Variants in KLF17 observed in about 807,000 individuals in gnomAD.
KLF17 encodes the protein KLF transcription factor 17, also known as Krueppel-like factor 17.
A neutral mutation model predicts 34.2 loss-of-function variants in KLF17; 31 were observed. The observed-to-expected ratio is 0.91, with a 90% confidence interval of 0.68 to 1.22. The LOEUF (loss-of-function observed/expected upper bound fraction) is 1.22. Among genes scored for constraint, KLF17 ranks in the 50% most tolerant of loss-of-function variants. KLF17 has a pLI of 0.00. For synonymous variants in KLF17, 179 were observed against 186.7 expected (o/e 0.96, Z 0.34); for missense variants, 478 against 505.2 (o/e 0.95, Z 0.52).
At chr1:44,111,871 C>T in the KLF17 span, among the ~76,000 whole-genome samples, 31 of 152,162 alleles carry the variant, frequency 2.0e-4, no homozygotes, top group East Asian at 7.7e-4. Context: ...CCAGCCTGGG[C>T]GACGCAGCAA....
At chr1:44,098,362 C>T in the KLF17 span, among the ~76,000 whole-genome samples, 3 of 151,718 alleles carry the variant, frequency 2.0e-5, no homozygotes, top group African/African-American at 4.8e-5. Context: ...TTTAATTAGT[C>T]TATCTAAAGG....
chr1:44,078,688 G>A, the KLF17 span, among the ~76,000 whole-genome samples: 2 of 151,948 alleles, frequency 1.3e-5, no homozygotes, highest in African/African-American at 2.4e-5. Flanking sequence ...TGCCCACCTC[G>A]GCCTCCCAAA....
the KLF17 span, chr1:44,076,631 G>T: frequency 6.6e-6 from 1 of 151,914 alleles, no homozygotes; most frequent in Non-Finnish European, 1.5e-5. Context: ...TTATGAATGG[G>T]GTTGGCTAAC....
In KLF17 at chr1:44,130,142, G is replaced by C. The variant is rs767103784; in HGVS notation, c.871G>C (p.Gly291Arg). 11 of 1,614,038 alleles carry C rather than the reference G, an allele frequency of 6.8e-6. No homozygotes were observed. Among genetic ancestry groups the C allele is most frequent in the African/African-American group, 1.3e-5 (1 of 74,932 alleles). Reference sequence around the variant, plus strand: ...TTACTGCTGCAACTACGAGAACTGCGGAAAAGCTTATACCAAACGCTCCCA... The same window carrying C: ...TTACTGCTGCAACTACGAGAACTGCCGAAAAGCTTATACCAAACGCTCCCA... ...RPYCCNYENC[G>R]KAYTKRSHLV... Residue 291 changes from glycine to arginine, a missense_variant, in exon 2 of 4, where the codon GGA (glycine) becomes CGA (arginine). Transcript: ENST00000372299.
At chr1:44,131,842 G>A (rs1044927376) in intron 3 of KLF17, among the ~76,000 whole-genome samples, 3 of 152,030 alleles carry the variant, frequency 2.0e-5, no homozygotes, top group African/African-American at 4.8e-5. Flanking sequence ...TTACAGGCAA[G>A]CACCACCACA....
the KLF17 span, among the ~76,000 whole-genome samples, chr1:44,100,478 A>T: frequency 1.3e-5 from 2 of 152,076 alleles, no homozygotes; most frequent in Non-Finnish European, 2.9e-5. Context: ...TCTAAGAATG[A>T]GGGGGGGAAC....
At chr1:44,122,319 A>C in intron 1 of KLF17, 1 of 1,595,458 alleles carries the variant, frequency 6.3e-7, no homozygotes, top group South Asian at 1.1e-5. Flanking sequence ...AAAATACCGA[A>C]TGTTATTTCC....
At chr1:44,123,775 C>G (rs577334233) in intron 1 of KLF17, among the ~76,000 whole-genome samples, 8 of 152,124 alleles carry the variant, frequency 5.3e-5, no homozygotes, top group South Asian at 2.1e-4. Context: ...TTATTGGTCT[C>G]TAAGTATTTT....
the KLF17 span, among the ~76,000 whole-genome samples, chr1:44,066,062 A>C: frequency 3.3e-5 from 5 of 152,318 alleles, no homozygotes; most frequent in South Asian, 1.0e-3. Flanking sequence ...CACACCTATA[A>C]TCCCAGCACT....
At chr1:44,076,723 T>C in the KLF17 span, 3 of 152,018 alleles carry the variant, frequency 2.0e-5, no homozygotes, top group East Asian at 5.8e-4. Flanking sequence ...GTTGTCTTTT[T>C]TTTTTCTTTC....
the KLF17 span, among the ~76,000 whole-genome samples, chr1:44,077,412 A>G: frequency 8.5e-5 from 13 of 152,226 alleles, no homozygotes; most frequent in Non-Finnish European, 1.8e-4. Context: ...CTACTGCTAT[A>G]TAACAAATTA....
rs2088091906 is a variant in KLF17, at chr1:44,130,262, C to T, written c.925+66C>T. 3 of 1,541,856 alleles carry T rather than the reference C, an allele frequency of 1.9e-6. No homozygotes were observed. In the Admixed American group the frequency reaches 6.1e-5, roughly 31 times the overall value. On this transcript the variant is annotated intron_variant, in intron 2 of 3. Coordinates refer to ENST00000372299, the MANE Select transcript of KLF17 (RefSeq NM_173484.4). ...TGGGCTTTAGATTTGTCCTGGGCCA[C>T]TGGTGGGTAATTGTTTGGGATGAGC...
chr1:44,055,740 C>A, the KLF17 span, among the ~76,000 whole-genome samples: 2 of 152,164 alleles, frequency 1.3e-5, no homozygotes, highest in Non-Finnish European at 2.9e-5. Context: ...ACACAATATC[C>A]TTTGAGACCC....
At chr1:44,122,149 G>A in intron 1 of KLF17, 1 of 1,539,420 alleles carries the variant, frequency 6.5e-7, no homozygotes, top group Non-Finnish European at 8.9e-7. Context: ...AATCCTGAGA[G>A]ACATTATCGC....
chr1:44,052,464 C>T, the KLF17 span, among the ~76,000 whole-genome samples: 1 of 152,150 alleles, frequency 6.6e-6, no homozygotes, highest in Non-Finnish European at 1.5e-5. Flanking sequence ...GCAGTGAGGG[C>T]CCCTGAGGTC....
At chr1:44,084,953 C>T in the KLF17 span, among the ~76,000 whole-genome samples, 1 of 150,708 alleles carries the variant, frequency 6.6e-6, no homozygotes, top group Non-Finnish European at 1.5e-5. Flanking sequence ...AATTACCAAG[C>T]CATAATCTGG....
At chr1:44,094,445 A>G in the KLF17 span, among the ~76,000 whole-genome samples, 1 of 152,114 alleles carries the variant, frequency 6.6e-6, no homozygotes, top group Non-Finnish European at 1.5e-5. Flanking sequence ...GAGTTTCTCC[A>G]ATGTTTTCTT....
chr1:44,052,279 G>A, the KLF17 span: 6 of 152,218 alleles, frequency 3.9e-5, no homozygotes, highest in Admixed American at 1.3e-4. Flanking sequence ...CTAATAGCCA[G>A]TTGCAGACCT....
intron 1 of KLF17, among the ~76,000 whole-genome samples, chr1:44,128,161 A>C (rs1437830612): frequency 6.6e-6 from 1 of 152,084 alleles, no homozygotes; most frequent in Non-Finnish European, 1.5e-5. Context: ...AGCTTACTGC[A>C]ACCTCTGGCT....
Sources: gnomAD v4.1 joint callset for allele counts (sites outside exome capture counted in the v4.1 genomes callset) on GRCh38, gnomAD v4.1.1 for gene constraint, MANE v1.5 for transcripts, NCBI Gene and HGNC (gene_info 2026-07-23, HGNC 2026-07-21) for gene names.